PHF19: variants seen among roughly 807,000 people sequenced by gnomAD.
PHF19 encodes polycomb like 3.
PHF19 carries 21 observed loss-of-function variants against 79.8 expected under a neutral mutation model. The observed-to-expected ratio is 0.26, with a 90% CI of 0.19 to 0.38. The LOEUF (loss-of-function observed/expected upper bound fraction) is 0.38, where lower values mean the gene tolerates loss of function less well. PHF19 is among the 10% of genes least tolerant of loss of function. The probability of loss-of-function intolerance (pLI) is 1.00; values close to 1 mark genes in which losing one functional copy is unlikely to be tolerated. For synonymous variants in PHF19, 273 were observed against 296.3 expected (o/e 0.92, Z 0.81); for missense variants, 445 against 744.2 (o/e 0.60, Z 4.68).
the PHF19 span, among the ~76,000 whole-genome samples, chr9:120,902,019 T>C: frequency 2.0e-5 from 3 of 152,172 alleles, no homozygotes; most frequent in Non-Finnish European, 4.4e-5. Context: ...CTGAGACATT[T>C]GTGGAGCTTC....
chr9:120,861,835 G>A lies in PHF19; in HGVS notation c.1218+83C>T. ...ACATGAGAGAGTCCTCTGGGCCTGG[G>A]GGACTTAGTTTTCGGCACAGGAAGC... On this transcript the variant is annotated intron_variant, in intron 12 of 14. Transcript: ENST00000373896. 3 of 930,212 alleles carry A rather than the reference G, an allele frequency of 3.2e-6. 1 individual carries two copies. Among genetic ancestry groups the A allele is most frequent in the South Asian group, 1.3e-5 (1 of 77,462 alleles). The allele number at this position is 930,212 out of a possible 1,614,324, so 57.6% of individuals were successfully genotyped here.
upstream of PHF19, among the ~76,000 whole-genome samples, chr9:120,899,418 C>T (rs1403909625): frequency 6.6e-6 from 1 of 150,984 alleles, no homozygotes; most frequent in East Asian, 1.9e-4. Flanking sequence ...ATGGTGTGAA[C>T]CTGGGAGGCA....
At chr9:120,864,152 G>C in intron 9 of PHF19, 36 bp from the exon 10 acceptor site, 1 of 1,586,920 alleles carries the variant, frequency 6.3e-7, no homozygotes. Context: ...ATCAGACCCA[G>C]GCATATGGCG....
chr9:120,898,916 C>T (rs10818484), upstream of PHF19, among the ~76,000 whole-genome samples: 104,467 of 152,096 alleles, frequency 0.69, 36,157 homozygotes, highest in South Asian at 0.82. Context: ...TATCTTATTC[C>T]GGCCAGGCTC....
chr9:120,864,953 TA>T (rs924610970), intron 9 of PHF19, among the ~76,000 whole-genome samples: 5 of 151,884 alleles, frequency 3.3e-5, no homozygotes, highest in Admixed American at 6.6e-5. Context: ...TATGTACAAT[TA>T]AAAAAAATTA....
In PHF19 at chr9:120,877,167, GC is replaced by G; in HGVS notation, c.-93del. 1.0e-6 allele frequency: 1 copy of G among 982,680 alleles called. No homozygotes were observed. Among genetic ancestry groups the G allele is most frequent in the African/African-American group, 1.8e-5 (1 of 56,838 alleles). 60.9% of individuals were successfully genotyped at this position (982,680 alleles called of 1,614,324 possible). A position where few individuals can be genotyped will look rare whatever the true frequency, so the allele number is the denominator to read the frequency against. On this transcript the variant is annotated 5_prime_UTR_variant, in exon 1 of 15. Transcript: ENST00000373896. The stretch of plus-strand genomic sequence containing the variant: ...TCGGTGGCGGAGGCGGCTGCGCTCG[GC>G]CCGCGGCTGCCCGGCCGAGTGTCCG...
At chr9:120,876,434 G>GGGGCCCCCGGGTGGCGCCCC (rs2046056838) in intron 1 of PHF19, 1 of 152,062 alleles carries the variant, frequency 6.6e-6, no homozygotes, top group African/African-American at 2.4e-5. Flanking sequence ...TGGCCGGGCG[G>GGGGCCCCCGGGTGGCGCCCC]GGGCCCCCGG....
Position 120,870,390 on chromosome 9 carries a change from G to A in PHF19, c.364+53C>T. On this transcript the variant is annotated intron_variant, in intron 4 of 14. Coordinates refer to ENST00000373896, the MANE Select transcript of PHF19 (RefSeq NM_015651.3). The surrounding 1 kb of genome is among the most constrained non-coding windows in gnomAD (Gnocchi z 4.4). Reference sequence around the variant, plus strand: ...GCAGCAGTACCCGTCAGGGGCCAGTGCGTGGGGACCTATAGGTCGGGGCCT... The same window carrying A: ...GCAGCAGTACCCGTCAGGGGCCAGTACGTGGGGACCTATAGGTCGGGGCCT... The A allele has an allele frequency of 9.0e-7, 1 of 1,109,530 alleles. No individual in the cohort carries two copies. The highest frequency in any genetic ancestry group is 1.4e-6 in the Non-Finnish European group (1 of 723,916). The allele number at this position is 1,109,530 out of a possible 1,614,324, so 68.7% of individuals were successfully genotyped here. A position where few individuals can be genotyped will look rare whatever the true frequency, so the allele number is the denominator to read the frequency against.
the PHF19 span, among the ~76,000 whole-genome samples, chr9:120,901,365 T>C: frequency 1.3e-5 from 2 of 152,176 alleles, no homozygotes; most frequent in African/African-American, 4.8e-5. Flanking sequence ...GCTATTTTTT[T>C]TGTATTTTTA....
intron 9 of PHF19, 22 bp downstream of exon 9, chr9:120,865,688 G>T: frequency 6.2e-7 from 1 of 1,613,962 alleles, no homozygotes; most frequent in South Asian, 1.1e-5. Flanking sequence ...TCCTGCCACT[G>T]ACATCCCACA....
Position 120,860,136 on chromosome 9 carries a change from C to A in PHF19, c.1354G>T (p.Ala452Ser). 6.2e-7 allele frequency: 1 copy of A among 1,601,152 alleles called. No individual in the cohort carries two copies. Among genetic ancestry groups the A allele is most frequent in the Admixed American group, 1.7e-5 (1 of 58,514 alleles). The change falls in exon 14 of 15, where the codon GCC (alanine) becomes TCC (serine). Residue 452 changes from alanine to serine, a missense_variant. Coordinates refer to ENST00000373896, the MANE Select transcript of PHF19 (RefSeq NM_015651.3). The surrounding 1 kb of genome is among the most constrained non-coding windows in gnomAD (Gnocchi z 4.1). Reference protein sequence around the residue: ...FFSDVDSTDAASTSGSASTSL... With the variant: ...FFSDVDSTDASSTSGSASTSL... ...GTGGAGGCAGAGCCAGAGGTGCTGGCAGCGTCGGTGGAGTCGACATCTGAG... is the reference window on the plus strand; with the variant it reads ...GTGGAGGCAGAGCCAGAGGTGCTGGAAGCGTCGGTGGAGTCGACATCTGAG...
intron 1 of PHF19, among the ~76,000 whole-genome samples, chr9:120,883,316 G>C (rs2046215215): frequency 6.6e-6 from 1 of 152,172 alleles, no homozygotes; most frequent in Non-Finnish European, 1.5e-5. Context: ...CTAAATTTTA[G>C]TCTCCCCATC....
chr9:120,869,539 G>A lies in PHF19; in HGVS notation c.466-209C>T. 7.0e-7 allele frequency: 1 copy of A among 1,420,510 alleles called. No individual in the cohort carries two copies. The highest frequency in any genetic ancestry group is 9.3e-7 in the Non-Finnish European group (1 of 1,079,662). The allele number at this position is 1,420,510 out of a possible 1,614,324, so 88.0% of individuals were successfully genotyped here. A position where few individuals can be genotyped will look rare whatever the true frequency, so the allele number is the denominator to read the frequency against. The stretch of plus-strand genomic sequence containing the variant: ...AACTCCGTTGATAACAGAATTAAGA[G>A]TAATAAGCGCAATAAAGGCAACAAT... On this transcript the variant is annotated intron_variant, in intron 5 of 14. Transcript: ENST00000373896. The surrounding 1 kb of genome is among the most constrained non-coding windows in gnomAD (Gnocchi z 5.8).
Position 120,862,577 on chromosome 9 carries a change from C to G in PHF19, c.1130+11G>C, listed in dbSNP as rs201981930. ...GCGGCAGCCCTGGCCCCTGGGTCCC[C>G]GAGCACTGACCCAGGCTTGCTCTTT... On this transcript the variant is annotated intron_variant, in intron 11 of 14. Coordinates refer to ENST00000373896, the MANE Select transcript of PHF19 (RefSeq NM_015651.3). The surrounding 1 kb of genome is among the most constrained non-coding windows in gnomAD (Gnocchi z 4.6). 3.1e-6 allele frequency: 5 copies of G among 1,610,658 alleles called. No homozygotes were observed. The highest frequency in any genetic ancestry group is 1.1e-5 in the South Asian group (1 of 90,982).
At chr9:120,859,985 T>G in intron 14 of PHF19, 105 bp downstream of exon 14, 1 of 699,064 alleles carries the variant, frequency 1.4e-6, no homozygotes, top group Non-Finnish European at 2.6e-6. Flanking sequence ...CGCCAGAGAC[T>G]GAGACACATA....
At position 120,869,324 on chromosome 9, in the gene PHF19, C is replaced by T; in HGVS notation, c.472G>A (p.Gly158Ser). The T allele has an allele frequency of 6.2e-7, 1 of 1,612,132 alleles. No homozygotes were observed. The highest frequency in any genetic ancestry group is 8.5e-7 in the Non-Finnish European group (1 of 1,179,598). ...CIFALAVRKG[G>S]ALKKGAIART... The stretch of plus-strand genomic sequence containing the variant: ...GCGATGGCGCCCTTCTTCAGCGCGC[C>T]GCCTTTCTGGGGGGAGACGAGGGCC... The change falls in exon 6 of 15, where the codon GGC becomes AGC. Residue 158 changes from glycine to serine, a missense_variant. Around this residue, in one of 5 missense-constraint regions of PHF19, gnomAD observed 167 missense variants for 375.8 expected, o/e 0.44. Transcript: ENST00000373896. This position sits in a 1 kb window ranked among gnomAD's most constrained non-coding sequence, Gnocchi z 5.8.
At chr9:120,881,963 T>C (rs957169106), upstream of PHF19, among the ~76,000 whole-genome samples, 3 of 152,224 alleles carry the variant, frequency 2.0e-5, no homozygotes, top group Non-Finnish European at 4.4e-5. Flanking sequence ...GGTTTCACCA[T>C]GTTGGTCAGG....
Position 120,862,533 on chromosome 9 carries a change from A to G in PHF19, c.1130+55T>C. On this transcript the variant is annotated intron_variant, in intron 11 of 14. Transcript: ENST00000373896. The surrounding 1 kb of genome is among the most constrained non-coding windows in gnomAD (Gnocchi z 4.6). ...TGCAGGTCCTCCTTGCTTGCTTGGAAGCAGAGAAACCGAGTTTGGCGGCAG... is the reference window on the plus strand; with the variant it reads ...TGCAGGTCCTCCTTGCTTGCTTGGAGGCAGAGAAACCGAGTTTGGCGGCAG... 6.5e-7 allele frequency: 1 copy of G among 1,543,976 alleles called. No individual in the cohort carries two copies. Among genetic ancestry groups the G allele is most frequent in the South Asian group, 1.1e-5 (1 of 89,306 alleles).
Position 120,874,001 on chromosome 9 carries a change from G to T in PHF19, c.246C>A (p.Val82=). The T allele has an allele frequency of 6.2e-7, 1 of 1,602,838 alleles. No homozygotes were observed. Among genetic ancestry groups the T allele is most frequent in the Non-Finnish European group, 8.5e-7 (1 of 1,170,148 alleles). ...CACCATGCTGTATGTCCTTCCATAG[G>T]ACCCAGTATTTGGAATTATCTTCGA... ...VTFEDNSKYW[V]LWKDIQHAGV... The change falls in exon 3 of 15, where the codon GTC becomes GTA. Residue 82 remains valine (V), a synonymous_variant. Transcript: ENST00000373896. The surrounding 1 kb of genome is among the most constrained non-coding windows in gnomAD (Gnocchi z 4.5).
Sources: allele counts gnomAD v4.1 joint callset (sites outside exome capture counted in the v4.1 genomes callset), GRCh38; gene constraint gnomAD v4.1.1; regional missense constraint gnomAD v4.1.1; non-coding constraint Gnocchi (gnomAD v3.1); transcripts MANE v1.5; gene names NCBI Gene and HGNC (gene_info 2026-07-23, HGNC 2026-07-21).